The following SLC44A5 variants were observed in gnomAD, a reference collection of about 807,000 sequenced individuals.
The protein encoded by SLC44A5 is choline transporter-like protein 5.
Under a neutral mutation model 101.8 loss-of-function variants are expected in SLC44A5, and 57 were observed. That is an observed-to-expected ratio of 0.56 (90% CI 0.45 to 0.70). SLC44A5 has a LOEUF of 0.70. Among genes scored for constraint, SLC44A5 ranks in the 30% least tolerant of loss-of-function variants. The probability of loss-of-function intolerance (pLI) is 0.00; values close to 1 mark genes in which losing one functional copy is unlikely to be tolerated. For synonymous variants in SLC44A5, 281 were observed against 290.9 expected, an observed-to-expected ratio of 0.97 and a Z score of 0.35; for missense variants, 737 against 853.1, an observed-to-expected ratio of 0.86 and a Z score of 1.70.
chr1:75,299,481 T>A lies in SLC44A5; in HGVS notation c.175+1131A>T, dbSNP rs1557637008. ...TTGTTCTCCAGTTAGGATATAACTT[T>A]CTTTCTGCTAATACATTCTATCCAC... is the stretch of plus-strand genomic sequence containing the variant. On this transcript the variant is annotated intron_variant, in intron 5 of 23. Transcript: ENST00000370859. Among the ~76,000 whole-genome samples the A allele has an allele frequency of 3.3e-5, 5 of 152,320 alleles. No individual in the cohort carries two copies. The South Asian group carries it at 8.3e-4, about 25-fold the overall frequency.
intron 2 of SLC44A5, among the ~76,000 whole-genome samples, chr1:75,488,120 AG>A (rs1189993870): frequency 6.6e-6 from 1 of 152,212 alleles, no homozygotes; most frequent in Admixed American, 6.5e-5. Context: ...AAATAAGCTC[AG>A]GCCTCCCACT....
chr1:75,378,418 TA>T lies in SLC44A5; in HGVS notation c.52+18164del, dbSNP rs1394720140. Among the ~76,000 whole-genome samples the T allele has an allele frequency of 3.3e-5, 2 of 61,468 alleles. 1 individual carries two copies. The highest frequency in any genetic ancestry group is 2.6e-4 in the African/African-American group (2 of 7,748). The allele number at this position is 61,468 out of a possible 152,430, so 40.3% of individuals were successfully genotyped here. On this transcript the variant is annotated intron_variant, in intron 3 of 23. Transcript: ENST00000370859. ...AACTAAAACAAGCAGGTAGGAAGGG[TA>T]ATATCATTCCACTTACAGTATGGAA...
At chr1:75,428,848 G>A (rs1241995702) in intron 2 of SLC44A5, among the ~76,000 whole-genome samples, 2 of 152,078 alleles carry the variant, frequency 1.3e-5, no homozygotes, top group East Asian at 1.9e-4. Context: ...TGAGGCCCAG[G>A]AGCAATAAAT....
chr1:75,570,180 G>C (rs753718415), intron 1 of SLC44A5, among the ~76,000 whole-genome samples: 1 of 152,238 alleles, frequency 6.6e-6, no homozygotes, highest in African/African-American at 2.4e-5. Context: ...TTCAGGCTAA[G>C]AGCTACAGGT....
At chr1:75,224,690 C>T (rs1488885390) in intron 13 of SLC44A5, among the ~76,000 whole-genome samples, 1 of 151,906 alleles carries the variant, frequency 6.6e-6, no homozygotes, top group African/African-American at 2.4e-5. Context: ...CCCACCTTGG[C>T]CTCCCAAAGT....
chr1:75,550,254 G>A lies in SLC44A5; in HGVS notation c.-69-8738C>T, dbSNP rs147728475. ...CCATAAAAAGGAATGAACATCATGG[G>A]TTAACCTTGAAAACATGCTAAGTGA... On this transcript the variant is annotated intron_variant, in intron 1 of 23. Coordinates refer to ENST00000370859, the MANE Select transcript of SLC44A5 (RefSeq NM_001130058.2). Among the ~76,000 whole-genome samples, 875 of 152,166 alleles carry A rather than the reference G, an allele frequency of 5.8e-3. 15 individuals are homozygous for A. The highest frequency in any genetic ancestry group is 0.035 in the Admixed American group (535 of 15,246).
At chr1:75,375,913 C>T (rs947518877) in intron 3 of SLC44A5, among the ~76,000 whole-genome samples, 1 of 152,186 alleles carries the variant, frequency 6.6e-6, no homozygotes, top group Non-Finnish European at 1.5e-5. Context: ...TTCTGCATTT[C>T]CATCTGAGGT....
chr1:75,228,774 GA>G (rs1272379996), intron 12 of SLC44A5, among the ~76,000 whole-genome samples: 3 of 151,128 alleles, frequency 2.0e-5, no homozygotes, highest in Non-Finnish European at 4.4e-5. Flanking sequence ...AATAAGCCTA[GA>G]GTCAATATGT....
At chr1:75,492,815 C>G (rs1668492398) in intron 2 of SLC44A5, among the ~76,000 whole-genome samples, 1 of 152,182 alleles carries the variant, frequency 6.6e-6, no homozygotes, top group African/African-American at 2.4e-5. Context: ...AAATTCTACC[C>G]CTTGGCCTGA....
chr1:75,647,031 G>A, the SLC44A5 span, among the ~76,000 whole-genome samples: 1 of 152,208 alleles, frequency 6.6e-6, no homozygotes, highest in East Asian at 1.9e-4. Context: ...TGGGGAAAAT[G>A]TCTATAGGGC....
chr1:75,424,033 T>C (rs958629927), intron 2 of SLC44A5, among the ~76,000 whole-genome samples: 1 of 152,228 alleles, frequency 6.6e-6, no homozygotes, highest in Non-Finnish European at 1.5e-5. Flanking sequence ...GAATTAATCA[T>C]GCATTCCAAA....
intron 4 of SLC44A5, among the ~76,000 whole-genome samples, chr1:75,320,797 G>A (rs11163114): frequency 0.33 from 49,816 of 151,900 alleles, 9,332 homozygotes; most frequent in East Asian, 0.82. Context: ...TTCCCTTCCT[G>A]TCCAATTACC....
At chr1:75,483,886 T>C (rs1489316226) in intron 2 of SLC44A5, among the ~76,000 whole-genome samples, 1 of 152,060 alleles carries the variant, frequency 6.6e-6, no homozygotes, top group African/African-American at 2.4e-5. Context: ...TCTTACATGG[T>C]GGCAGGAGAG....
At chr1:75,721,000 A>G in the SLC44A5 span, among the ~76,000 whole-genome samples, 4 of 152,160 alleles carry the variant, frequency 2.6e-5, no homozygotes, top group African/African-American at 7.2e-5. Context: ...GTGGAGACCA[A>G]AGTTCTTATT....
intron 2 of SLC44A5, among the ~76,000 whole-genome samples, chr1:75,465,818 A>G (rs2101711130): frequency 6.6e-6 from 1 of 152,318 alleles, no homozygotes; most frequent in South Asian, 2.1e-4. Flanking sequence ...CAAACTACCA[A>G]GATTGAACCA....
chr1:75,688,916 T>G, the SLC44A5 span, among the ~76,000 whole-genome samples: 175 of 152,316 alleles, frequency 1.1e-3, 1 homozygote, highest in Non-Finnish European at 1.7e-3. Flanking sequence ...GAGCCATTAA[T>G]GAGGCTGTAA....
the SLC44A5 span, among the ~76,000 whole-genome samples, chr1:75,696,327 A>G: frequency 6.6e-6 from 1 of 152,206 alleles, no homozygotes; most frequent in Non-Finnish European, 1.5e-5. Context: ...ACTCCTAAGG[A>G]GTAAGAAAGT....
chr1:75,353,713 T>G (rs1366670140), intron 3 of SLC44A5, among the ~76,000 whole-genome samples: 1 of 152,220 alleles, frequency 6.6e-6, no homozygotes, highest in East Asian at 1.9e-4. Flanking sequence ...TGCTTTCACA[T>G]TTTAAAAGTC....
intron 2 of SLC44A5, among the ~76,000 whole-genome samples, chr1:75,441,111 T>G (rs964096594): frequency 3.3e-5 from 5 of 152,040 alleles, no homozygotes; most frequent in African/African-American, 1.2e-4. Flanking sequence ...GGAATAAGAT[T>G]TTAAATTATT....
Sources: gnomAD v4.1 joint callset for allele counts (sites outside exome capture counted in the v4.1 genomes callset) on GRCh38, gnomAD v4.1.1 for gene constraint, MANE v1.5 for transcripts, NCBI Gene and HGNC (gene_info 2026-07-23, HGNC 2026-07-21) for gene names.